UNC13C: variants seen among roughly 807,000 people sequenced by gnomAD.
The protein encoded by UNC13C is unc-13 homolog C, also known as protein unc-13 homolog C.
UNC13C carries 174 observed loss-of-function variants against 245.4 expected under a neutral mutation model. The observed-to-expected ratio is 0.71, with a 90% CI of 0.63 to 0.80. The LOEUF is 0.80. UNC13C is among the 30% of genes least tolerant of loss of function. The pLI, the probability that UNC13C is intolerant of heterozygous loss-of-function variation, is 0.00. For synonymous variants in UNC13C, 992 were observed against 895.1 expected (o/e 1.11, Z -1.93); for missense variants, 2,829 against 2,602.9 (o/e 1.09, Z -1.89).
chr15:54,313,865 C>T (rs1302827562), intron 13 of UNC13C, among the ~76,000 whole-genome samples: 1 of 151,476 alleles, frequency 6.6e-6, no homozygotes, highest in African/African-American at 2.4e-5. Flanking sequence ...ATAACTAAGA[C>T]ATGGAATCAA....
At chr15:54,289,328 A>G (rs1215191943) in intron 10 of UNC13C, among the ~76,000 whole-genome samples, 1 of 152,052 alleles carries the variant, frequency 6.6e-6, no homozygotes, top group Non-Finnish European at 1.5e-5. Flanking sequence ...ATTTCCCACC[A>G]TTCCCACTAA....
chr15:54,580,587 G>A lies in UNC13C; in HGVS notation c.6106+12640G>A, dbSNP rs75210688. On this transcript the variant is annotated intron_variant, in intron 30 of 32. Coordinates refer to ENST00000260323, the MANE Select transcript of UNC13C (RefSeq NM_001080534.3). ...CCTCAATTTTGTCATCTGTAAAAAT[G>A]GAAAGCATAATAATTCATACCGTGT... is the stretch of plus-strand genomic sequence containing the variant. Among the ~76,000 whole-genome samples the A allele has an allele frequency of 3.7e-3, 562 of 152,264 alleles. 6 individuals carry two copies. Among genetic ancestry groups the A allele is most frequent in the African/African-American group, 0.013 (528 of 41,546 alleles).
intron 27 of UNC13C, 84 bp downstream of exon 27, chr15:54,546,929 A>C (rs1566900919): frequency 8.2e-7 from 1 of 1,222,458 alleles, no homozygotes; most frequent in Non-Finnish European, 1.1e-6. Flanking sequence ...ATGAAATACT[A>C]ATTAAATCCC....
At chr15:54,424,195 A>C (rs1311852809) in intron 19 of UNC13C, among the ~76,000 whole-genome samples, 1 of 151,888 alleles carries the variant, frequency 6.6e-6, no homozygotes, top group African/African-American at 2.4e-5. Context: ...ATATGTAGAT[A>C]TAACCAATGA....
the UNC13C span, among the ~76,000 whole-genome samples, chr15:53,873,717 G>A: frequency 8.2e-3 from 7 of 850 alleles, no homozygotes; most frequent in Non-Finnish European, 0.03. Flanking sequence ...TCCATGAGGC[G>A]GAAAGGGGGA....
At chr15:54,201,864 A>C (rs2034534730) in intron 4 of UNC13C, among the ~76,000 whole-genome samples, 1 of 152,020 alleles carries the variant, frequency 6.6e-6, no homozygotes, top group African/African-American at 2.4e-5. Context: ...GGTAAAGAGG[A>C]ATTCAAACTG....
intron 30 of UNC13C, among the ~76,000 whole-genome samples, chr15:54,578,103 C>T (rs1457168603): frequency 6.6e-6 from 1 of 152,166 alleles, no homozygotes; most frequent in African/African-American, 2.4e-5. Context: ...AGCATTTTAT[C>T]TTTTCTGGAA....
chr15:53,883,593 A>T, the UNC13C span, among the ~76,000 whole-genome samples: 1 of 152,238 alleles, frequency 6.6e-6, no homozygotes, highest in South Asian at 2.1e-4. Flanking sequence ...CAGAAATGAC[A>T]GATGTTGGTT....
chr15:53,848,445 T>C, the UNC13C span, among the ~76,000 whole-genome samples: 2 of 152,194 alleles, frequency 1.3e-5, no homozygotes, highest in African/African-American at 4.8e-5. Flanking sequence ...GATAGTATTC[T>C]GTTTTATTGC....
chr15:53,942,495 A>G, the UNC13C span, among the ~76,000 whole-genome samples: 1 of 151,596 alleles, frequency 6.6e-6, no homozygotes, highest in African/African-American at 2.4e-5. Context: ...GCAAACCACC[A>G]TGGCACTTGT....
rs1163932414 is a variant in UNC13C, at chr15:54,628,503, A to T, written c.*1390A>T. ...CCAGTGAGGTGAGCTAATTCATGTTAAACTGTTAGGCCACTGCTTTGTTAA... is the reference window on the plus strand; with the variant it reads ...CCAGTGAGGTGAGCTAATTCATGTTTAACTGTTAGGCCACTGCTTTGTTAA... On this transcript the variant is annotated 3_prime_UTR_variant, in exon 33 of 33. Coordinates refer to ENST00000260323, the MANE Select transcript of UNC13C (RefSeq NM_001080534.3). The T allele has an allele frequency of 2.0e-5, 3 of 152,582 alleles. No individual in the cohort carries two copies. In the Admixed American group the frequency reaches 2.0e-4, roughly 10 times the overall value. The allele number at this position is 152,582 out of a possible 1,614,324, so 9.5% of individuals were successfully genotyped here.
intron 1 of UNC13C, among the ~76,000 whole-genome samples, chr15:53,989,328 T>C (rs532993241): frequency 5.5e-4 from 80 of 146,156 alleles, no homozygotes; most frequent in African/African-American, 2.0e-3. Flanking sequence ...CACTGCTTAA[T>C]TGTTAAAAAA....
chr15:54,454,810 A>C (rs1891385742), intron 19 of UNC13C, among the ~76,000 whole-genome samples: 1 of 92,268 alleles, frequency 1.1e-5, no homozygotes, highest in South Asian at 3.7e-4. Flanking sequence ...TTATTCATTC[A>C]TTCATTCATT....
chr15:54,084,096 C>T (rs975573189), intron 2 of UNC13C, among the ~76,000 whole-genome samples: 31 of 152,224 alleles, frequency 2.0e-4, no homozygotes, highest in Admixed American at 1.4e-3. Context: ...ACCCTTTCTT[C>T]GGGGCTCCAC....
At chr15:54,584,806 C>T (rs546479013) in intron 30 of UNC13C, among the ~76,000 whole-genome samples, 22 of 152,146 alleles carry the variant, frequency 1.4e-4, no homozygotes, top group African/African-American at 4.8e-4. Context: ...CAGATGAGAC[C>T]GGGCTTCAGG....
At chr15:54,504,346 C>A (rs898965316) in intron 22 of UNC13C, among the ~76,000 whole-genome samples, 1 of 152,068 alleles carries the variant, frequency 6.6e-6, no homozygotes, top group Non-Finnish European at 1.5e-5. Flanking sequence ...ATTCATTGAG[C>A]ATTATTATAT....
chr15:54,209,655 C>T (rs2034821163), intron 4 of UNC13C, among the ~76,000 whole-genome samples: 2 of 152,070 alleles, frequency 1.3e-5, no homozygotes, highest in Admixed American at 6.6e-5. Flanking sequence ...CTCAAACAGT[C>T]GGCCCACCCT....
chr15:53,906,780 C>T, the UNC13C span, among the ~76,000 whole-genome samples: 10 of 152,178 alleles, frequency 6.6e-5, no homozygotes, highest in African/African-American at 7.2e-5. Context: ...TTAAATGACT[C>T]ACAATTCCAC....
rs576891895 is a variant in UNC13C, at chr15:54,283,797, C to T, written c.3819-10098C>T. 9.2e-5 allele frequency among the ~76,000 whole-genome samples: 14 copies of T among 152,068 alleles called. No individual in the cohort carries two copies. In the South Asian group the frequency reaches 1.0e-3, roughly 11 times the overall value. ...CATTACTTCAGTTTTATCGATTGGG[C>T]GCAGAGGCTCAGTGCAACTGAGCAA... is the stretch of plus-strand genomic sequence containing the variant. On this transcript the variant is annotated intron_variant, in intron 10 of 32. Transcript: ENST00000260323.
Sources: gnomAD v4.1 joint callset for allele counts (sites outside exome capture counted in the v4.1 genomes callset) on GRCh38, gnomAD v4.1.1 for gene constraint, MANE v1.5 for transcripts, NCBI Gene and HGNC (gene_info 2026-07-23, HGNC 2026-07-21) for gene names.